PIK3C2G: variants seen among roughly 807,000 people sequenced by gnomAD.
PIK3C2G encodes the protein phosphatidylinositol-4-phosphate 3-kinase catalytic subunit type 2 gamma.
A neutral mutation model predicts 181.1 loss-of-function variants in PIK3C2G; 168 were observed. That is an observed-to-expected ratio of 0.93 (90% confidence interval 0.82 to 1.05). The LOEUF is 1.05. Ranked by LOEUF, PIK3C2G falls within the 50% of genes least tolerant of loss-of-function variation. The pLI is 0.00. For missense variants in PIK3C2G, 1,869 were observed against 1,732.8 expected (o/e 1.08, Z -1.40); for synonymous variants, 573 against 592.2 (o/e 0.97, Z 0.47).
chr12:18,375,591 G>T (rs1406743861), intron 13 of PIK3C2G, among the ~76,000 whole-genome samples: 1 of 152,220 alleles, frequency 6.6e-6, no homozygotes, highest in Non-Finnish European at 1.5e-5. Flanking sequence ...CAGGAGAGAA[G>T]TTGAAATGGA....
chr12:18,699,319 G>C, the PIK3C2G span, among the ~76,000 whole-genome samples: 23 of 152,238 alleles, frequency 1.5e-4, no homozygotes, highest in South Asian at 2.9e-3. Flanking sequence ...CACTCTCACT[G>C]CCAGAAATCT....
chr12:18,398,187 A>C (rs1002653277), intron 15 of PIK3C2G, among the ~76,000 whole-genome samples: 1 of 152,158 alleles, frequency 6.6e-6, no homozygotes, highest in Non-Finnish European at 1.5e-5. Context: ...ATTTGTAAAA[A>C]TTTATTGAAC....
chr12:18,283,645 G>T (rs777593114), intron 2 of PIK3C2G, among the ~76,000 whole-genome samples: 1 of 152,088 alleles, frequency 6.6e-6, no homozygotes, highest in African/African-American at 2.4e-5. Flanking sequence ...ATAACAGGTG[G>T]AGTAAGTGCA....
the PIK3C2G span, among the ~76,000 whole-genome samples, chr12:18,726,133 C>T: frequency 4.6e-5 from 7 of 151,948 alleles, no homozygotes; most frequent in African/African-American, 1.7e-4. Flanking sequence ...TGCATTTAGA[C>T]AATAATTACA....
the PIK3C2G span, among the ~76,000 whole-genome samples, chr12:18,653,943 G>A: frequency 6.6e-6 from 1 of 151,954 alleles, no homozygotes; most frequent in South Asian, 2.1e-4. Flanking sequence ...CAGCCTTCTG[G>A]CTCCATGATT....
chr12:18,609,446 A>G, intron 30 of PIK3C2G, 89 bp from the exon 31 acceptor site: 2 of 693,572 alleles, frequency 2.9e-6, no homozygotes, highest in Non-Finnish European at 2.5e-6. Context: ...CTTGTTATTT[A>G]TTGGTCCTGT....
chr12:18,440,341 G>C (rs1012333393), intron 18 of PIK3C2G, among the ~76,000 whole-genome samples: 1 of 152,014 alleles, frequency 6.6e-6, no homozygotes, highest in African/African-American at 2.4e-5. Flanking sequence ...ATGAATAAAA[G>C]AGACAAAAAA....
intron 31 of PIK3C2G, among the ~76,000 whole-genome samples, chr12:18,634,711 A>G (rs1360039734): frequency 6.6e-6 from 1 of 152,126 alleles, no homozygotes; most frequent in African/African-American, 2.4e-5. Flanking sequence ...TACTACCATG[A>G]CCACTTTGTT....
intron 15 of PIK3C2G, 71 bp from the exon 16 acceptor site, chr12:18,399,588 T>G: frequency 1.1e-6 from 1 of 880,566 alleles, no homozygotes; most frequent in Non-Finnish European, 1.7e-6. Context: ...GGTTTTCTAC[T>G]GCATATTTAT....
chr12:18,427,546 T>C (rs1425836693), intron 18 of PIK3C2G, among the ~76,000 whole-genome samples: 3 of 135,962 alleles, frequency 2.2e-5, no homozygotes, highest in Non-Finnish European at 4.9e-5. Context: ...AAAAATATAA[T>C]AAAATATTAA....
Position 18,391,215 on chromosome 12 carries a change from C to T in PIK3C2G, c.2089C>T (p.His697Tyr). Residue 697 changes from histidine to tyrosine, a missense_variant, in exon 15 of 33, where the codon CAT (histidine) becomes TAT (tyrosine). Physicochemically the swap from His to Tyr is moderately conservative, Grantham distance 83. Transcript: ENST00000538779. ...AGAGCCACTAAAGGAGTGTATAAAA[C>T]ATATTGCCAGACTTTCACAGAAACA... The part of the protein sequence containing the change: ...LEEPLKECIK[H>Y]IARLSQKQTP... The T allele has an allele frequency of 6.2e-7, 1 of 1,603,410 alleles. No homozygotes were observed. Among genetic ancestry groups the T allele is most frequent in the Non-Finnish European group, 8.5e-7 (1 of 1,174,888 alleles).
At chr12:18,259,060 C>T (rs535580519), upstream of PIK3C2G, among the ~76,000 whole-genome samples, 6 of 151,946 alleles carry the variant, frequency 3.9e-5, no homozygotes, top group Non-Finnish European at 5.9e-5. Flanking sequence ...CTGTATCTGC[C>T]TTCATTTGTT....
chr12:18,353,522 C>A (rs1326784856), intron 11 of PIK3C2G, among the ~76,000 whole-genome samples: 1 of 152,162 alleles, frequency 6.6e-6, no homozygotes, highest in African/African-American at 2.4e-5. Flanking sequence ...AGTATTCTTG[C>A]CATATCTGTA....
chr12:18,273,704 G>T (rs781092505), intron 1 of PIK3C2G, among the ~76,000 whole-genome samples: 1 of 152,094 alleles, frequency 6.6e-6, no homozygotes, highest in Non-Finnish European at 1.5e-5. Flanking sequence ...AAAAACCCTA[G>T]AAGGAAACCT....
intron 29 of PIK3C2G, among the ~76,000 whole-genome samples, chr12:18,577,462 A>G (rs953053837): frequency 6.6e-6 from 1 of 152,180 alleles, no homozygotes; most frequent in Non-Finnish European, 1.5e-5. Flanking sequence ...GTCAGTATTT[A>G]CGGAAAGCAA....
chr12:18,273,230 A>C (rs1484646880), intron 1 of PIK3C2G, among the ~76,000 whole-genome samples: 1 of 152,206 alleles, frequency 6.6e-6, no homozygotes, highest in African/African-American at 2.4e-5. Flanking sequence ...TAAATAGGGA[A>C]TCCTTTCCCC....
At chr12:18,366,817 C>G (rs571815786) in intron 12 of PIK3C2G, among the ~76,000 whole-genome samples, 3 of 150,500 alleles carry the variant, frequency 2.0e-5, no homozygotes, top group Admixed American at 2.0e-4. Flanking sequence ...AAGTTCATTC[C>G]TTTGACTTTT....
At chr12:18,439,804 A>C (rs1021425536) in intron 18 of PIK3C2G, among the ~76,000 whole-genome samples, 2 of 152,240 alleles carry the variant, frequency 1.3e-5, no homozygotes, top group African/African-American at 4.8e-5. Context: ...CTAAACAATG[A>C]TTTTGCAATG....
intron 18 of PIK3C2G, among the ~76,000 whole-genome samples, chr12:18,439,759 A>G (rs558029035): frequency 6.6e-6 from 1 of 152,176 alleles, no homozygotes; most frequent in South Asian, 2.1e-4. Flanking sequence ...TCAAGATTCT[A>G]TCCATACCAC....
Sources: gnomAD v4.1 joint callset for allele counts (sites outside exome capture counted in the v4.1 genomes callset) on GRCh38, gnomAD v4.1.1 for gene constraint, MANE v1.5 for transcripts, NCBI Gene and HGNC (gene_info 2026-07-23, HGNC 2026-07-21) for gene names.